RNF152: variants seen among roughly 807,000 people sequenced by gnomAD.
RNF152 encodes the protein ring finger protein 152, also known as E3 ubiquitin-protein ligase RNF152.
In RNF152, 11 loss-of-function variants were observed where a neutral mutation model predicts 12.7. That is an observed-to-expected ratio of 0.86 (90% CI 0.54 to 1.43). The LOEUF (loss-of-function observed/expected upper bound fraction) is 1.43. RNF152 is among the 40% of genes most tolerant of loss of function. The probability of loss-of-function intolerance (pLI) is 0.00; values close to 1 mark genes in which losing one functional copy is unlikely to be tolerated. For missense variants in RNF152, 255 were observed against 274.8 expected (o/e 0.93, Z 0.51); for synonymous variants, 113 against 120.3 (o/e 0.94, Z 0.40).
chr18:61,873,668 A>G (rs1323850216), intron 1 of RNF152, among the ~76,000 whole-genome samples: 1 of 152,136 alleles, frequency 6.6e-6, no homozygotes, highest in East Asian at 1.9e-4. Context: ...CAGGCCTCAC[A>G]TCTTACAGCA....
intron 1 of RNF152, among the ~76,000 whole-genome samples, chr18:61,882,498 T>C (rs1020903143): frequency 7.9e-5 from 12 of 152,218 alleles, no homozygotes; most frequent in Admixed American, 4.6e-4. Flanking sequence ...AGGTGCTCTG[T>C]GCATGAGGTT....
intron 1 of RNF152, among the ~76,000 whole-genome samples, chr18:61,820,020 CAAA>C (rs1165545204): frequency 7.8e-5 from 5 of 64,360 alleles, no homozygotes; most frequent in African/African-American, 1.3e-4. Flanking sequence ...GACACTATCT[CAAA>C]AAAAAAAAAA....
chr18:61,849,073 G>T (rs1005186874), intron 1 of RNF152, among the ~76,000 whole-genome samples: 4 of 152,170 alleles, frequency 2.6e-5, no homozygotes, highest in African/African-American at 9.7e-5. Context: ...AATCCCCCGG[G>T]GTTTGGGAGC....
chr18:61,869,283 G>A (rs1209037161), intron 1 of RNF152, among the ~76,000 whole-genome samples: 4 of 152,134 alleles, frequency 2.6e-5, no homozygotes, highest in Non-Finnish European at 5.9e-5. Context: ...GCTGTCAGGG[G>A]TCTTCTTCCA....
intron 1 of RNF152, among the ~76,000 whole-genome samples, chr18:61,828,922 T>G (rs1011435755): frequency 1.3e-5 from 2 of 152,094 alleles, no homozygotes; most frequent in African/African-American, 4.8e-5. Context: ...AGTATCAGGT[T>G]GAACTGGAAG....
At chr18:61,884,972 G>A (rs1285914996) in intron 1 of RNF152, among the ~76,000 whole-genome samples, 1 of 152,224 alleles carries the variant, frequency 6.6e-6, no homozygotes, top group Non-Finnish European at 1.5e-5. Flanking sequence ...GGATGGATCT[G>A]TACCTTCAGT....
At position 61,810,305 on chromosome 18, in the gene RNF152, T is replaced by G. The variant is rs796178270; in HGVS notation, c.*5547A>C. 6.9e-6 allele frequency: 1 copy of G among 145,870 alleles called. No individual in the cohort carries two copies. Among genetic ancestry groups the G allele is most frequent in the African/African-American group, 2.5e-5 (1 of 40,448 alleles). The allele number at this position is 145,870 out of a possible 1,614,324, so 9.0% of individuals were successfully genotyped here. ...TGTGTGTGTGTGTGTAGTAAGTCAG[T>G]TGTGTCAGAAAAATCAATGGCTTGA... On this transcript the variant is annotated 3_prime_UTR_variant, in exon 2 of 2. Coordinates refer to ENST00000312828, the MANE Select transcript of RNF152 (RefSeq NM_173557.3).
At chr18:61,854,426 A>C (rs1162748751) in intron 1 of RNF152, among the ~76,000 whole-genome samples, 1 of 152,230 alleles carries the variant, frequency 6.6e-6, no homozygotes, top group East Asian at 1.9e-4. Context: ...ACAGCCTTAA[A>C]GGAAACGCAC....
At chr18:61,837,853 G>A (rs186198505) in intron 1 of RNF152, among the ~76,000 whole-genome samples, 258 of 152,324 alleles carry the variant, frequency 1.7e-3, no homozygotes, top group Non-Finnish European at 2.7e-3. Context: ...GCTCACAGCA[G>A]CCAAATGCAT....
At chr18:61,881,267 AT>A (rs1008353053) in intron 1 of RNF152, among the ~76,000 whole-genome samples, 1 of 152,140 alleles carries the variant, frequency 6.6e-6, no homozygotes, top group Non-Finnish European at 1.5e-5. Context: ...AACAAAATGT[AT>A]TTAGCTGTTA....
intron 1 of RNF152, among the ~76,000 whole-genome samples, chr18:61,839,607 T>C (rs1910350344): frequency 6.6e-6 from 1 of 152,130 alleles, no homozygotes; most frequent in South Asian, 2.1e-4. Context: ...TTAAGAAGTA[T>C]TTTGTGGGCT....
At position 61,816,474 on chromosome 18, in the gene RNF152, G is replaced by C. The variant is rs199521602; in HGVS notation, c.-11C>G. On this transcript the variant is annotated 5_prime_UTR_variant, in exon 2 of 2. Transcript: ENST00000312828. ...GGACAGCGTCTCCATGGTGGACCGT[G>C]AGCAGGAAGGGCAAGGCCAAGGTGA... 193 of 1,585,664 alleles carry C rather than the reference G, an allele frequency of 1.2e-4. 1 individual carries two copies. The highest frequency in any genetic ancestry group is 3.7e-5 in the Non-Finnish European group (43 of 1,161,188).
At chr18:61,894,253 C>T (rs1913116593), upstream of RNF152, 1 of 150,428 alleles carries the variant, frequency 6.6e-6, no homozygotes, top group Non-Finnish European at 1.5e-5. This position sits in a 1 kb window ranked among gnomAD's most constrained non-coding sequence, Gnocchi z 4.9. Flanking sequence ...CAGACTCGCG[C>T]CCCGGGCCGG....
chr18:61,855,293 A>T (rs768521725), intron 1 of RNF152, among the ~76,000 whole-genome samples: 16 of 152,244 alleles, frequency 1.1e-4, no homozygotes, highest in African/African-American at 1.7e-4. Context: ...AAGTTTAATA[A>T]AATCAGGAAG....
chr18:61,824,438 C>T (rs1909566673), intron 1 of RNF152, among the ~76,000 whole-genome samples: 1 of 152,236 alleles, frequency 6.6e-6, no homozygotes, highest in Non-Finnish European at 1.5e-5. Context: ...TCATCCCTGA[C>T]AGATCATTTA....
upstream of RNF152, among the ~76,000 whole-genome samples, chr18:61,894,399 G>A (rs2144786241): frequency 1.3e-5 from 2 of 151,920 alleles, no homozygotes; most frequent in African/African-American, 4.8e-5. The surrounding 1 kb of genome is among the most constrained non-coding windows in gnomAD (Gnocchi z 4.9). Context: ...TTCGCGGTCG[G>A]ACACCGCCGC....
At chr18:61,829,474 C>G (rs1909828306) in intron 1 of RNF152, among the ~76,000 whole-genome samples, 1 of 150,078 alleles carries the variant, frequency 6.7e-6, no homozygotes. Flanking sequence ...CAAAACAAGG[C>G]CCAGGGAGAG....
intron 1 of RNF152, among the ~76,000 whole-genome samples, chr18:61,867,228 A>G (rs1361344321): frequency 6.6e-6 from 1 of 152,178 alleles, no homozygotes; most frequent in Non-Finnish European, 1.5e-5. Flanking sequence ...AGGCAGGTGG[A>G]TCAATTGAGG....
At chr18:61,823,997 C>T (rs1738937113) in intron 1 of RNF152, among the ~76,000 whole-genome samples, 1 of 152,154 alleles carries the variant, frequency 6.6e-6, no homozygotes, top group South Asian at 2.1e-4. Flanking sequence ...TTACCCAGCC[C>T]CAGGTGCATT....
Sources: allele counts gnomAD v4.1 joint callset (sites outside exome capture counted in the v4.1 genomes callset), GRCh38; gene constraint gnomAD v4.1.1; non-coding constraint Gnocchi (gnomAD v3.1); transcripts MANE v1.5; gene names NCBI Gene and HGNC (gene_info 2026-07-23, HGNC 2026-07-21).